The following MTA3 variants were observed in gnomAD, a reference collection of about 807,000 sequenced individuals.
MTA3 encodes metastasis associated 1 family member 3, also known as metastasis-associated protein MTA3.
MTA3 carries 34 observed loss-of-function variants against 83.5 expected under a neutral mutation model. The observed-to-expected ratio is 0.41, with a 90% confidence interval of 0.31 to 0.54. The LOEUF is 0.54. Ranked by LOEUF, MTA3 falls within the 20% of genes least tolerant of loss-of-function variation. MTA3 has a pLI of 0.33. For synonymous variants in MTA3, 303 were observed against 252.7 expected (o/e 1.20, Z -1.89); for missense variants, 761 against 726.4 (o/e 1.05, Z -0.55).
At chr2:42,642,458 C>A (rs553219273) in intron 5 of MTA3, among the ~76,000 whole-genome samples, 1 of 151,784 alleles carries the variant, frequency 6.6e-6, no homozygotes, top group Non-Finnish European at 1.5e-5. Context: ...GAGTTTGAGA[C>A]CAGCCCAGGC....
chr2:42,709,754 G>A (rs561386209), intron 14 of MTA3, among the ~76,000 whole-genome samples: 52 of 152,260 alleles, frequency 3.4e-4, no homozygotes, highest in African/African-American at 1.0e-3. Context: ...CTAAACATAT[G>A]GTTGAGCAGC....
In MTA3 at chr2:42,723,376, G is replaced by A. The variant is rs907742672; in HGVS notation, c.1759+341G>A. The A allele has an allele frequency of 4.8e-5, 10 of 208,382 alleles. No individual in the cohort carries two copies. In the South Asian group the frequency reaches 1.0e-3, roughly 21 times the overall value. 12.9% of individuals were successfully genotyped at this position (208,382 alleles called of 1,614,324 possible). On this transcript the variant is annotated intron_variant, in intron 16 of 16. Transcript: ENST00000405094. ...TTTCTTGAGCAGAAGGGATTATTTTGCCTTATGTCTAAGACATCAGTGTTC... is the reference window on the plus strand; with the variant it reads ...TTTCTTGAGCAGAAGGGATTATTTTACCTTATGTCTAAGACATCAGTGTTC...
Position 42,644,228 on chromosome 2 carries a change from A to G in MTA3, c.483A>G (p.Pro161=), listed in dbSNP as rs1247571031. 5.0e-6 allele frequency: 8 copies of G among 1,609,528 alleles called. No homozygotes were observed. The highest frequency in any genetic ancestry group is 2.7e-5 in the African/African-American group (2 of 74,740). ...GACCTAGATATCAAGCAGACATTCC[A>G]GAAATGCTGTTAGAAGGTACGTTTT... ...RVGPRYQADI[P]EMLLEGESDE... The change falls in exon 6 of 17, where the codon CCA becomes CCG. Residue 161 remains proline (P), a synonymous_variant. Coordinates refer to ENST00000405094, the MANE Select transcript of MTA3 (RefSeq NM_001330442.2).
At chr2:42,688,614 GTTTTTTTT>G (rs3040121) in intron 9 of MTA3, among the ~76,000 whole-genome samples, 1 of 121,574 alleles carries the variant, frequency 8.2e-6, no homozygotes, top group Non-Finnish European at 1.7e-5. Flanking sequence ...GCATTCAAGT[GTTTTTTTT>G]TTTTTTTTGT....
intron 16 of MTA3, among the ~76,000 whole-genome samples, chr2:42,724,636 TCACACACA>T (rs10560395): frequency 8.5e-5 from 12 of 141,842 alleles, no homozygotes; most frequent in African/African-American, 3.1e-4. Flanking sequence ...AGAGACCCCA[TCACACACA>T]CACACACACA....
At chr2:42,583,675 C>T (rs996487972) in intron 3 of MTA3, among the ~76,000 whole-genome samples, 3 of 152,012 alleles carry the variant, frequency 2.0e-5, no homozygotes, top group African/African-American at 7.2e-5. Flanking sequence ...AGTACACGCG[C>T]ATGCCACCAT....
At chr2:42,538,801 C>T (rs62144829) in intron 2 of MTA3, among the ~76,000 whole-genome samples, 53,165 of 140,284 alleles carry the variant, frequency 0.38, 10,442 homozygotes, top group South Asian at 0.41. Context: ...GGAGTCTCGC[C>T]TTGTCGCCCA....
chr2:42,652,082 A>T (rs1161324453), intron 6 of MTA3, among the ~76,000 whole-genome samples: 1 of 151,806 alleles, frequency 6.6e-6, no homozygotes, highest in Admixed American at 6.6e-5. Context: ...GGGCAACAAG[A>T]AAAAAAAGAA....
At chr2:42,548,787 A>T (rs1340012761) in intron 2 of MTA3, among the ~76,000 whole-genome samples, 1 of 118,434 alleles carries the variant, frequency 8.4e-6, no homozygotes, top group Non-Finnish European at 1.7e-5. Context: ...TGGGTGACAG[A>T]GTGAGACCCT....
intron 2 of MTA3, among the ~76,000 whole-genome samples, chr2:42,543,401 C>T (rs1469948613): frequency 1.3e-5 from 2 of 152,118 alleles, no homozygotes; most frequent in Non-Finnish European, 2.9e-5. Context: ...TGGTCTCGAA[C>T]TCCTGACCTC....
rs575902965 is a variant in MTA3 at position 42,582,676 on chromosome 2, G to A, written c.190+3476G>A. Among the ~76,000 whole-genome samples the A allele has an allele frequency of 2.0e-5, 3 of 152,144 alleles. No homozygotes were observed. In the East Asian group the frequency reaches 5.8e-4, roughly 29 times the overall value. ...TAGTGAGAGGAAATGATTTTTAGGG[G>A]GTCTGCTCACTGTTGGTAGAGCATC... On this transcript the variant is annotated intron_variant, in intron 3 of 16. Transcript: ENST00000405094.
intron 2 of MTA3, among the ~76,000 whole-genome samples, chr2:42,573,842 G>T (rs998825636): frequency 6.6e-6 from 1 of 150,898 alleles, no homozygotes; most frequent in African/African-American, 2.4e-5. Context: ...TTTTTGAGAT[G>T]GAGTCTCGCT....
chr2:42,723,120 T>C, intron 16 of MTA3, 85 bp downstream of exon 16: 2 of 1,389,132 alleles, frequency 1.4e-6, no homozygotes, highest in Non-Finnish European at 9.8e-7. Context: ...AAAAATATAT[T>C]ATAAGCATGT....
At position 42,755,050 on chromosome 2, in the gene MTA3, T is replaced by G. The variant is rs1573867314; in HGVS notation, c.*1651T>G. The G allele has an allele frequency of 2.0e-6, 2 of 985,462 alleles. No homozygotes were observed. Among genetic ancestry groups the G allele is most frequent in the South Asian group, 9.4e-5 (2 of 21,268 alleles). 61.0% of individuals were successfully genotyped at this position (985,462 alleles called of 1,614,324 possible). A position where few individuals can be genotyped will look rare whatever the true frequency, so the allele number is the denominator to read the frequency against. ...TGGGGCCTGTGTCAGAAGCATTTGG[T>G]GAGAGGGGTGGAGGTGGCAGGCAGG... is the stretch of plus-strand genomic sequence containing the variant. On this transcript the variant is annotated 3_prime_UTR_variant, in exon 17 of 17. Coordinates refer to ENST00000405094, the MANE Select transcript of MTA3 (RefSeq NM_001330442.2).
chr2:42,681,136 T>G (rs1480422854), intron 8 of MTA3, among the ~76,000 whole-genome samples: 1 of 152,202 alleles, frequency 6.6e-6, no homozygotes, highest in East Asian at 1.9e-4. Context: ...TGTTCTAATC[T>G]ATCTTTTCTC....
chr2:42,698,089 G>A (rs1012565872), intron 11 of MTA3, among the ~76,000 whole-genome samples: 5 of 152,160 alleles, frequency 3.3e-5, no homozygotes, highest in African/African-American at 4.8e-5. Context: ...CAGGGAAAGC[G>A]TCAGAAAACC....
At chr2:42,577,551 G>T (rs1679193250) in intron 2 of MTA3, among the ~76,000 whole-genome samples, 1 of 151,476 alleles carries the variant, frequency 6.6e-6, no homozygotes, top group South Asian at 2.1e-4. Context: ...TGTGGTCTTG[G>T]CTCACTGCAA....
chr2:42,530,378 T>C (rs1675905581), intron 2 of MTA3, among the ~76,000 whole-genome samples: 1 of 151,990 alleles, frequency 6.6e-6, no homozygotes, highest in Admixed American at 6.6e-5. Context: ...TCCCAGCTAC[T>C]TGGGAGGCTG....
chr2:42,736,470 C>A (rs558465691), intron 16 of MTA3, among the ~76,000 whole-genome samples: 1 of 152,214 alleles, frequency 6.6e-6, no homozygotes, highest in South Asian at 2.1e-4. Flanking sequence ...GGTCCAAGGA[C>A]TCTCCAATCA....
Sources: gnomAD v4.1 joint callset for allele counts (sites outside exome capture counted in the v4.1 genomes callset) on GRCh38, gnomAD v4.1.1 for gene constraint, MANE v1.5 for transcripts, NCBI Gene and HGNC (gene_info 2026-07-23, HGNC 2026-07-21) for gene names.